Variants in SLC19A3 observed in about 807,000 individuals in gnomAD.
SLC19A3 encodes the protein thiamine transporter 2.
A neutral mutation model predicts 40.2 loss-of-function variants in SLC19A3; 31 were observed. The observed-to-expected ratio is 0.77, with a 90% confidence interval of 0.58 to 1.04. The LOEUF (loss-of-function observed/expected upper bound fraction) is 1.04. Among genes scored for constraint, SLC19A3 ranks in the 50% least tolerant of loss-of-function variants. The probability of loss-of-function intolerance (pLI) is 0.00; values close to 1 mark genes in which losing one functional copy is unlikely to be tolerated. For synonymous variants in SLC19A3, 212 were observed against 227.5 expected (o/e 0.93, Z 0.61); for missense variants, 592 against 596.7 (o/e 0.99, Z 0.08).
At chr2:227,687,725 C>T in intron 5 of SLC19A3, 152 bp from the exon 6 acceptor site, 3 of 737,536 alleles carry the variant, frequency 4.1e-6, no homozygotes, top group Non-Finnish European at 6.8e-6. Flanking sequence ...ACTCTCCTAT[C>T]AAGTAAGAAA....
chr2:227,696,287 G>A (rs986051362), intron 3 of SLC19A3, among the ~76,000 whole-genome samples: 11 of 151,942 alleles, frequency 7.2e-5, no homozygotes, highest in South Asian at 2.1e-4. Context: ...CTATTCTTTC[G>A]GTCACTTAGT....
At chr2:227,717,085 C>T (rs1696360477) in intron 1 of SLC19A3, among the ~76,000 whole-genome samples, 1 of 146,734 alleles carries the variant, frequency 6.8e-6, no homozygotes, top group African/African-American at 2.5e-5. Context: ...TCACTGCAAC[C>T]TTCGCCTCCC....
chr2:227,717,020 T>G (rs1246360549), intron 1 of SLC19A3, among the ~76,000 whole-genome samples: 4 of 75,904 alleles, frequency 5.3e-5, no homozygotes, highest in African/African-American at 2.0e-4. Flanking sequence ...TTTTTTTTTT[T>G]GAGGCAGAAT....
Position 227,694,595 on chromosome 2 carries a change from AT to A in SLC19A3, c.1172+1293del, listed in dbSNP as rs1044414888. Among the ~76,000 whole-genome samples, 17 of 151,998 alleles carry A rather than the reference AT, an allele frequency of 1.1e-4. No homozygotes were observed. The East Asian group carries it at 2.5e-3, about 22-fold the overall frequency. ...GCAATTTGAAATTCAAATGTTTCTC[AT>A]TTTTTTTGGTTAATAGCAAAGCATA... On this transcript the variant is annotated intron_variant, in intron 4 of 5. Transcript: ENST00000644224.
At chr2:227,697,919 T>G (rs1695503670) in intron 3 of SLC19A3, among the ~76,000 whole-genome samples, 1 of 151,338 alleles carries the variant, frequency 6.6e-6, no homozygotes, top group Non-Finnish European at 1.5e-5. Context: ...CTACTAAAAA[T>G]ACAAAAAAAT....
At chr2:227,701,439 TG>T (rs746419291) in intron 2 of SLC19A3, among the ~76,000 whole-genome samples, 3 of 152,062 alleles carry the variant, frequency 2.0e-5, no homozygotes, top group Non-Finnish European at 2.9e-5. Context: ...CTGGCCAACA[TG>T]GGGAAACCCT....
At chr2:227,695,548 G>A (rs1049416426) in intron 4 of SLC19A3, 18 of 315,018 alleles carry the variant, frequency 5.7e-5, no homozygotes, top group Non-Finnish European at 9.8e-5. Context: ...GCTGCATTGA[G>A]TCCTGATCGT....
At position 227,714,271 on chromosome 2, in the gene SLC19A3, T is replaced by A. The variant is rs115708804; in HGVS notation, c.-3+3672A>T. Among the ~76,000 whole-genome samples the A allele has an allele frequency of 1.4e-4, 22 of 152,252 alleles. No individual in the cohort carries two copies. The East Asian group carries it at 3.9e-3, about 27-fold the overall frequency. ...CAAGGCCTCCGTATAATAGGAAAACTGAACAGGATCTTTGAAACTGAGTCT... is the reference window on the plus strand; with the variant it reads ...CAAGGCCTCCGTATAATAGGAAAACAGAACAGGATCTTTGAAACTGAGTCT... On this transcript the variant is annotated intron_variant, in intron 1 of 5. Transcript: ENST00000644224.
At chr2:227,704,248 C>T (rs912657302) in intron 1 of SLC19A3, among the ~76,000 whole-genome samples, 11 of 152,194 alleles carry the variant, frequency 7.2e-5, no homozygotes, top group Non-Finnish European at 1.5e-4. Flanking sequence ...AGTCACGCCT[C>T]ACCACTGAGA....
chr2:227,709,312 G>A (rs988191121), intron 1 of SLC19A3, among the ~76,000 whole-genome samples: 4 of 152,012 alleles, frequency 2.6e-5, no homozygotes, highest in African/African-American at 4.8e-5. Flanking sequence ...GTGAAACCCC[G>A]TCTCAAACTA....
chr2:227,698,639 T>C, intron 3 of SLC19A3, 97 bp downstream of exon 3: 1 of 1,101,482 alleles, frequency 9.1e-7, no homozygotes, highest in Middle Eastern at 2.9e-4. Context: ...TGCTTCCTTC[T>C]GAACAGAGCT....
At chr2:227,710,152 A>C (rs1444564496) in intron 1 of SLC19A3, among the ~76,000 whole-genome samples, 1 of 152,032 alleles carries the variant, frequency 6.6e-6, no homozygotes, top group African/African-American at 2.4e-5. Flanking sequence ...CTCCTGCTGT[A>C]ATGGCCCGTT....
chr2:227,698,068 G>A (rs1371094256), intron 3 of SLC19A3, among the ~76,000 whole-genome samples: 1 of 152,030 alleles, frequency 6.6e-6, no homozygotes, highest in African/African-American at 2.4e-5. Context: ...ACAGAGTGAG[G>A]CTCTGTCTCA....
intron 1 of SLC19A3, among the ~76,000 whole-genome samples, chr2:227,716,718 A>T (rs1292225263): frequency 4.6e-5 from 7 of 152,078 alleles, no homozygotes; most frequent in Admixed American, 4.6e-4. Flanking sequence ...AGGGTGGGTA[A>T]TCAATCACTC....
At chr2:227,701,355 C>G (rs1304874718) in intron 2 of SLC19A3, 1 of 201,528 alleles carries the variant, frequency 5.0e-6, no homozygotes, top group East Asian at 1.5e-4. Flanking sequence ...GTGGCGGTGG[C>G]TCACGCCTGT....
rs989413073 is a variant in SLC19A3, at chr2:227,698,876, T to C, written c.839A>G (p.Tyr280Cys). The change falls in exon 3 of 6, where the codon TAC becomes TGC. Residue 280 changes from tyrosine to cysteine, a missense_variant. Physicochemically the swap from Tyr to Cys is radical, Grantham distance 194 (BLOSUM62 -2). Transcript: ENST00000644224. ...GGCGAAAGCCCACCATAGAGACCAG[T>C]AGAAAAGACGTTTTGAGGAGTAGCA... ...KECYSSKRLFYWSLWWAFATA... is the reference protein window; with the variant it reads ...KECYSSKRLFCWSLWWAFATA... 6.2e-7 allele frequency: 1 copy of C among 1,614,126 alleles called. No homozygotes were observed. The highest frequency in any genetic ancestry group is 1.1e-5 in the South Asian group (1 of 91,076).
intron 4 of SLC19A3, among the ~76,000 whole-genome samples, chr2:227,694,307 G>T (rs944944722): frequency 6.6e-6 from 1 of 151,968 alleles, no homozygotes; most frequent in Non-Finnish European, 1.5e-5. Flanking sequence ...GTGCCCAGCC[G>T]TGAATATTTT....
At chr2:227,697,938 G>A (rs1695505034) in intron 3 of SLC19A3, among the ~76,000 whole-genome samples, 1 of 151,810 alleles carries the variant, frequency 6.6e-6, no homozygotes, top group Non-Finnish European at 1.5e-5. Context: ...ATTTAGCTGG[G>A]CATGGTGGCA....
Position 227,699,590 on chromosome 2 carries a change from C to G in SLC19A3, c.151-26G>C, listed in dbSNP as rs1205840939. On this transcript the variant is annotated intron_variant, in intron 2 of 5. Transcript: ENST00000644224. ...CTGCAAAGTTGGTAAATTGCATGAC[C>G]ACGAAGCACCGGTACTTTACTAAGG... 3 of 1,590,294 alleles carry G rather than the reference C, an allele frequency of 1.9e-6. No homozygotes were observed. The South Asian group carries it at 3.3e-5, about 18-fold the overall frequency.
Sources: allele counts gnomAD v4.1 joint callset (sites outside exome capture counted in the v4.1 genomes callset), GRCh38; gene constraint gnomAD v4.1.1; transcripts MANE v1.5; gene names NCBI Gene and HGNC (gene_info 2026-07-23, HGNC 2026-07-21).